The following ERN1 variants were observed in gnomAD, a reference collection of about 807,000 sequenced individuals.
ERN1 encodes serine/threonine-protein kinase/endoribonuclease IRE1.
In ERN1, 39 loss-of-function variants were observed where a neutral mutation model predicts 113.1. That is an observed-to-expected ratio of 0.34 (90% CI 0.27 to 0.45). ERN1 has a LOEUF of 0.45. Among genes scored for constraint, ERN1 ranks in the 20% least tolerant of loss-of-function variants. ERN1 has a pLI of 1.00. For missense variants in ERN1, 976 were observed against 1,274.8 expected, an observed-to-expected ratio of 0.77 and a Z score of 3.57; for synonymous variants, 507 against 515.9, an observed-to-expected ratio of 0.98 and a Z score of 0.23.
At chr17:64,101,438 T>C (rs1432184226) in intron 1 of ERN1, among the ~76,000 whole-genome samples, 1 of 152,078 alleles carries the variant, frequency 6.6e-6, no homozygotes, top group African/African-American at 2.4e-5. Flanking sequence ...AAAACAATAC[T>C]GCAAAATTAT....
chr17:64,091,514 A>C lies in ERN1; in HGVS notation c.175+6607T>G, dbSNP rs141648363. ...AAATGAGAACAAAAATTTACAACACAAGCCAGAAGTGCCACAACAGAGGGT... is the reference window on the plus strand; with the variant it reads ...AAATGAGAACAAAAATTTACAACACCAGCCAGAAGTGCCACAACAGAGGGT... On this transcript the variant is annotated intron_variant, in intron 2 of 21. Coordinates refer to ENST00000433197, the MANE Select transcript of ERN1 (RefSeq NM_001433.5). Among the ~76,000 whole-genome samples, 66 of 152,294 alleles carry C rather than the reference A, an allele frequency of 4.3e-4. 1 individual carries two copies. The East Asian group carries it at 0.012, about 28-fold the overall frequency.
At chr17:64,085,036 T>G (rs1369068791) in intron 2 of ERN1, among the ~76,000 whole-genome samples, 1 of 152,226 alleles carries the variant, frequency 6.6e-6, no homozygotes, top group African/African-American at 2.4e-5. Flanking sequence ...ATTGCTTACT[T>G]AATGCCCAAC....
Position 64,075,250 on chromosome 17 carries a change from T to TAAAAA in ERN1, c.283-4_283-3insTTTTT. 2 of 1,167,178 alleles carry TAAAAA rather than the reference T, an allele frequency of 1.7e-6. No homozygotes were observed. Among genetic ancestry groups the TAAAAA allele is most frequent in the South Asian group, 2.0e-5 (1 of 50,768 alleles). The allele number at this position is 1,167,178 out of a possible 1,614,324, so 72.3% of individuals were successfully genotyped here. The stretch of plus-strand genomic sequence containing the variant: ...TCTGGGATGGTAAAAGGAAGTTTCT[T>TAAAAA]TAAAAAAAAAAAAAAAGAAAAAAAA... On this transcript the variant is annotated splice_polypyrimidine_tract_variant and splice_region_variant and intron_variant, in intron 4 of 21. Coordinates refer to ENST00000433197, the MANE Select transcript of ERN1 (RefSeq NM_001433.5).
chr17:64,116,672 C>CACACACAT (rs1914812553), intron 1 of ERN1, among the ~76,000 whole-genome samples: 1 of 151,888 alleles, frequency 6.6e-6, no homozygotes, highest in African/African-American at 2.4e-5. Flanking sequence ...CACACACACA[C>CACACACAT]ACAAACACAC....
chr17:64,075,864 T>C (rs767409585), intron 4 of ERN1, among the ~76,000 whole-genome samples: 1 of 152,186 alleles, frequency 6.6e-6, no homozygotes, highest in Non-Finnish European at 1.5e-5. Flanking sequence ...TAGAGCCCCA[T>C]GGGAGGGAGC....
chr17:64,096,189 G>A (rs1444062435), intron 2 of ERN1, among the ~76,000 whole-genome samples: 4 of 152,226 alleles, frequency 2.6e-5, no homozygotes, highest in Non-Finnish European at 5.9e-5. Context: ...AGCAGTGAGT[G>A]AGCAAGCAAA....
chr17:64,108,261 C>T (rs1429565656), intron 1 of ERN1, among the ~76,000 whole-genome samples: 1 of 151,712 alleles, frequency 6.6e-6, no homozygotes, highest in East Asian at 1.9e-4. Context: ...CAAAGGTATG[C>T]TAATTTCATA....
chr17:64,110,205 AGTTT>A (rs1334118163), intron 1 of ERN1, among the ~76,000 whole-genome samples: 1 of 152,178 alleles, frequency 6.6e-6, no homozygotes, highest in Non-Finnish European at 1.5e-5. Context: ...TTTTAAAAAA[AGTTT>A]GTTTTTATTT....
rs757554328 is a variant in ERN1, at chr17:64,129,986, GGCA to G, written c.41_43del (p.Leu14del). The G allele has an allele frequency of 1.2e-4, 181 of 1,449,406 alleles. 3 individuals are homozygous for G. The South Asian group carries it at 2.4e-3, about 19-fold the overall frequency. The allele number at this position is 1,449,406 out of a possible 1,614,324, so 89.8% of individuals were successfully genotyped here. ...TCCCCGGTCACTCACCCCGAGGCCG[GGCA>G]GCAGCAGCGTCAGCAGCAGCAGCAG... On this transcript the variant is annotated inframe_deletion, in exon 1 of 22. Coordinates refer to ENST00000433197, the MANE Select transcript of ERN1 (RefSeq NM_001433.5).
At chr17:64,083,612 T>C (rs1318781703) in intron 2 of ERN1, among the ~76,000 whole-genome samples, 3 of 152,146 alleles carry the variant, frequency 2.0e-5, no homozygotes, top group African/African-American at 7.2e-5. Flanking sequence ...GGTAAGGTTA[T>C]CTGGTAAAGG....
At chr17:64,087,685 T>A (rs1167111091) in intron 2 of ERN1, among the ~76,000 whole-genome samples, 1 of 152,154 alleles carries the variant, frequency 6.6e-6, no homozygotes, top group Non-Finnish European at 1.5e-5. Context: ...GTATAAAGTT[T>A]TTATAAAATG....
At chr17:64,088,593 G>A (rs932091951) in intron 2 of ERN1, among the ~76,000 whole-genome samples, 7 of 152,076 alleles carry the variant, frequency 4.6e-5, no homozygotes, top group Admixed American at 6.6e-5. Flanking sequence ...GTTGAGATGC[G>A]CCAAACACAT....
intron 1 of ERN1, among the ~76,000 whole-genome samples, chr17:64,108,982 G>C (rs1433776865): frequency 6.6e-6 from 1 of 152,092 alleles, no homozygotes; most frequent in African/African-American, 2.4e-5. Context: ...AAATTAGCTG[G>C]GCGTGGTGGC....
chr17:64,063,786 C>G lies in ERN1; in HGVS notation c.1087+200G>C, dbSNP rs888347052. Among the ~76,000 whole-genome samples the G allele has an allele frequency of 1.3e-5, 2 of 152,154 alleles. No individual in the cohort carries two copies. The highest frequency in any genetic ancestry group is 4.8e-5 in the African/African-American group (2 of 41,430). ...GAGTTTTGGAACATTAAACAGTTTT[C>G]AAAAACTGACTCAGAAACACAGCTA... On this transcript the variant is annotated intron_variant, in intron 10 of 21. Coordinates refer to ENST00000433197, the MANE Select transcript of ERN1 (RefSeq NM_001433.5). This position sits in a 1 kb window ranked among gnomAD's most constrained non-coding sequence, Gnocchi z 5.1.
At chr17:64,091,791 C>T (rs370655885) in intron 2 of ERN1, among the ~76,000 whole-genome samples, 14 of 152,158 alleles carry the variant, frequency 9.2e-5, no homozygotes, top group African/African-American at 2.9e-4. Flanking sequence ...TGAGAGACCA[C>T]GAATGGCCTT....
At chr17:64,061,881 C>G (rs1913066604) in intron 10 of ERN1, among the ~76,000 whole-genome samples, 1 of 152,238 alleles carries the variant, frequency 6.6e-6, no homozygotes, top group South Asian at 2.1e-4. Context: ...ACTCAGTGCT[C>G]AGGGTCCTAC....
At chr17:64,125,799 A>G (rs113644953) in intron 1 of ERN1, among the ~76,000 whole-genome samples, 168 of 152,276 alleles carry the variant, frequency 1.1e-3, no homozygotes, top group African/African-American at 3.8e-3. Context: ...GAGAAGCTCA[A>G]TGTTTTTTTA....
At chr17:64,074,986 T>C in intron 5 of ERN1, 189 bp downstream of exon 5, 2 of 588,618 alleles carry the variant, frequency 3.4e-6, no homozygotes, top group Non-Finnish European at 6.0e-6. Flanking sequence ...ATGTCAATTC[T>C]TCTCCCAAGT....
At position 64,068,178 on chromosome 17, in the gene ERN1, G is replaced by T. The variant is rs758079919; in HGVS notation, c.580+12C>A. 1 of 1,589,550 alleles carries T rather than the reference G, an allele frequency of 6.3e-7. No homozygotes were observed. Among genetic ancestry groups the T allele is most frequent in the East Asian group, 2.3e-5 (1 of 44,334 alleles). ...TGGCCCAAGCTTGTGAAATCCAGCA[G>T]AGAGCACTTACTGTAGTCCACGTCG... On this transcript the variant is annotated intron_variant, in intron 7 of 21. Coordinates refer to ENST00000433197, the MANE Select transcript of ERN1 (RefSeq NM_001433.5).
Sources: allele counts gnomAD v4.1 joint callset (sites outside exome capture counted in the v4.1 genomes callset), GRCh38; gene constraint gnomAD v4.1.1; non-coding constraint Gnocchi (gnomAD v3.1); transcripts MANE v1.5; gene names NCBI Gene and HGNC (gene_info 2026-07-23, HGNC 2026-07-21).